Variants in SRPRA observed in about 807,000 individuals in gnomAD.
SRPRA encodes signal recognition particle receptor subunit alpha.
A neutral mutation model predicts 61.1 loss-of-function variants in SRPRA; 30 were observed. The observed-to-expected ratio is 0.49, with a 90% confidence interval of 0.37 to 0.67. SRPRA has a LOEUF of 0.67. Among genes scored for constraint, SRPRA ranks in the 30% least tolerant of loss-of-function variants. The probability of loss-of-function intolerance (pLI) is 0.00; values close to 1 mark genes in which losing one functional copy is unlikely to be tolerated. For synonymous variants in SRPRA, 324 were observed against 299.7 expected, an observed-to-expected ratio of 1.08 and a Z score of -0.84; for missense variants, 759 against 828.4, an observed-to-expected ratio of 0.92 and a Z score of 1.03.
At chr11:126,249,560 G>A in the SRPRA span, among the ~76,000 whole-genome samples, 55 of 151,758 alleles carry the variant, frequency 3.6e-4, no homozygotes, top group East Asian at 1.2e-3. Context: ...GTGAAACCCC[G>A]TCTCTACTAA....
At chr11:126,261,469 C>T (rs748858340), downstream of SRPRA, 1 of 1,613,510 alleles carries the variant, frequency 6.2e-7, no homozygotes, top group Middle Eastern at 1.7e-4. Context: ...ATCTGCAGCA[C>T]ACAGTGAAAT....
At chr11:126,237,817 A>G in the SRPRA span, among the ~76,000 whole-genome samples, 1 of 143,198 alleles carries the variant, frequency 7.0e-6, no homozygotes, top group African/African-American at 2.6e-5. Context: ...AGATTGTGTC[A>G]CTGCACTCCA....
At chr11:126,240,777 G>A in the SRPRA span, 22 of 1,594,122 alleles carry the variant, frequency 1.4e-5, no homozygotes, top group Non-Finnish European at 1.9e-5. Context: ...CCTCTCATTT[G>A]TTTTGCTTTT....
the SRPRA span, among the ~76,000 whole-genome samples, chr11:126,252,609 G>A: frequency 6.6e-6 from 1 of 152,164 alleles, no homozygotes; most frequent in East Asian, 1.9e-4. The surrounding 1 kb of genome is among the most constrained non-coding windows in gnomAD (Gnocchi z 4.7). Context: ...CGGGCATGGT[G>A]GTGTTTGCCT....
At chr11:126,240,210 T>C in the SRPRA span, among the ~76,000 whole-genome samples, 1 of 152,140 alleles carries the variant, frequency 6.6e-6, no homozygotes, top group Non-Finnish European at 1.5e-5. Flanking sequence ...TTTGATTAGT[T>C]AATGTCTTTA....
intron 6 of SRPRA, 22 bp from the exon 7 acceptor site, chr11:126,266,300 T>C (rs1950808989): frequency 6.2e-7 from 1 of 1,612,928 alleles, no homozygotes. Context: ...GGGGAAAGGA[T>C]GTGGGGTCAG....
At chr11:126,262,276 G>C, downstream of SRPRA, 2 of 826,876 alleles carry the variant, frequency 2.4e-6, no homozygotes, top group Non-Finnish European at 2.0e-6. Context: ...TAGAAGAGGG[G>C]GGAATGTTGC....
the SRPRA span, chr11:126,240,855 C>T: frequency 8.1e-6 from 13 of 1,614,016 alleles, no homozygotes; most frequent in African/African-American, 1.3e-4. Flanking sequence ...TTGGAACAGG[C>T]ATTAGTGCTG....
chr11:126,254,868 GCTT>G, the SRPRA span, among the ~76,000 whole-genome samples: 1 of 152,144 alleles, frequency 6.6e-6, no homozygotes, highest in Non-Finnish European at 1.5e-5. Flanking sequence ...TTCTTCCTGT[GCTT>G]CTTAACTTAT....
In SRPRA at chr11:126,265,882, A is replaced by G. The variant is rs1950800272; in HGVS notation, c.1052-59T>C. ...GTCAGCAATGACCAATCTTTATGGT[A>G]CAGGTGAGAAACGCTAGGTGATTCT... On this transcript the variant is annotated intron_variant, in intron 8 of 13. Coordinates refer to ENST00000332118, the MANE Select transcript of SRPRA (RefSeq NM_003139.4). This position sits in a 1 kb window ranked among gnomAD's most constrained non-coding sequence, Gnocchi z 6.3. 6 of 1,611,844 alleles carry G rather than the reference A, an allele frequency of 3.7e-6. No individual in the cohort carries two copies. Among genetic ancestry groups the G allele is most frequent in the Non-Finnish European group, 5.1e-6 (6 of 1,177,872 alleles).
At chr11:126,244,144 A>G in the SRPRA span, among the ~76,000 whole-genome samples, 1 of 152,214 alleles carries the variant, frequency 6.6e-6, no homozygotes, top group African/African-American at 2.4e-5. This position sits in a 1 kb window ranked among gnomAD's most constrained non-coding sequence, Gnocchi z 4.5. Flanking sequence ...AACATATTTA[A>G]TGGTGAAAGA....
At position 126,264,297 on chromosome 11, in the gene SRPRA, G is replaced by C. The variant is rs372284529; in HGVS notation, c.1690-8C>G. 5 of 1,613,034 alleles carry C rather than the reference G, an allele frequency of 3.1e-6. No individual in the cohort carries two copies. In the African/African-American group the frequency reaches 6.7e-5, roughly 22 times the overall value. ...GGCTCTGTTGAACTTGACCTGGAAAGAAAAAGTGATAGAAGTGTAAGAACC... is the reference window on the plus strand; with the variant it reads ...GGCTCTGTTGAACTTGACCTGGAAACAAAAAGTGATAGAAGTGTAAGAACC... On this transcript the variant is annotated splice_region_variant and splice_polypyrimidine_tract_variant and intron_variant, in intron 12 of 13. Coordinates refer to ENST00000332118, the MANE Select transcript of SRPRA (RefSeq NM_003139.4). The surrounding 1 kb of genome is among the most constrained non-coding windows in gnomAD (Gnocchi z 5.0).
chr11:126,261,872 G>A (rs939758101), downstream of SRPRA, among the ~76,000 whole-genome samples: 1 of 151,966 alleles, frequency 6.6e-6, no homozygotes, highest in African/African-American at 2.4e-5. Flanking sequence ...TGTGCCTATA[G>A]TCCCGGCTAC....
rs758181177 is a variant in SRPRA, at chr11:126,268,722, G to C, written c.83C>G (p.Pro28Arg). 1.9e-6 allele frequency: 3 copies of C among 1,613,874 alleles called. No homozygotes were observed. In the South Asian group the frequency reaches 3.3e-5, roughly 18 times the overall value. Residue 28 changes from proline (P) to arginine (R), a missense_variant, in exon 1 of 14, where the codon CCC becomes CGC. Pro to Arg is a moderately radical substitution (Grantham distance 103). Coordinates refer to ENST00000332118, the MANE Select transcript of SRPRA (RefSeq NM_003139.4). ...FQGVSDSCTG[P>R]VNALIRSVLL... is the part of the protein sequence containing the mutation. ...CACGGAACGAATCAACGCGTTAACG[G>C]GTCCGGTGCATGAGTCGCTAACGCC...
chr11:126,246,455 T>C, the SRPRA span, among the ~76,000 whole-genome samples: 4 of 152,224 alleles, frequency 2.6e-5, no homozygotes, highest in African/African-American at 9.6e-5. Flanking sequence ...TGTCAACATC[T>C]GTTTTTGCAC....
At chr11:126,237,416 T>A in the SRPRA span, among the ~76,000 whole-genome samples, 7 of 146,800 alleles carry the variant, frequency 4.8e-5, no homozygotes, top group Non-Finnish European at 1.1e-4. Context: ...ATTTATTTTT[T>A]AAATAAAGAC....
chr11:126,245,376 T>A, the SRPRA span: 1 of 152,138 alleles, frequency 6.6e-6, no homozygotes. Flanking sequence ...ACTCAAATTT[T>A]TTTTTCTTTC....
chr11:126,268,558 C>T (rs12786155), intron 1 of SRPRA, 130 bp downstream of exon 1: 94,553 of 649,840 alleles, frequency 0.15, 6,937 homozygotes, highest in Non-Finnish European at 0.17. Context: ...AAGCGGAGTC[C>T]GGGTTACGCG....
At chr11:126,250,082 T>C in the SRPRA span, among the ~76,000 whole-genome samples, 1 of 143,874 alleles carries the variant, frequency 7.0e-6, no homozygotes, top group East Asian at 2.2e-4. This position sits in a 1 kb window ranked among gnomAD's most constrained non-coding sequence, Gnocchi z 5.1. Context: ...GATAATATTT[T>C]ATCCCCGGGA....
Sources: allele counts gnomAD v4.1 joint callset (sites outside exome capture counted in the v4.1 genomes callset), GRCh38; gene constraint gnomAD v4.1.1; non-coding constraint Gnocchi (gnomAD v3.1); transcripts MANE v1.5; gene names NCBI Gene and HGNC (gene_info 2026-07-23, HGNC 2026-07-21).